The following AGBL2 variants were observed in gnomAD, a reference collection of about 807,000 sequenced individuals.
The protein encoded by AGBL2 is AGBL carboxypeptidase 2.
Under a neutral mutation model 103.0 loss-of-function variants are expected in AGBL2, and 87 were observed. That is an observed-to-expected ratio of 0.84 (90% confidence interval 0.71 to 1.01). AGBL2 has a LOEUF of 1.01. AGBL2 is among the 50% of genes least tolerant of loss of function. AGBL2 has a pLI of 0.00. For synonymous variants in AGBL2, 335 were observed against 356.7 expected (o/e 0.94, Z 0.69); for missense variants, 904 against 1,023.5 (o/e 0.88, Z 1.59).
Position 47,690,799 on chromosome 11 carries a change from T to C in AGBL2, c.908A>G (p.Gln303Arg), listed in dbSNP as rs2097442269. Residue 303 changes from glutamine to arginine, a missense_variant, in exon 10 of 19, where the codon CAG (glutamine) becomes CGG (arginine). Transcript: ENST00000525123. ...RTDLYTNKHTQWFYFRVQNTR... is the reference protein window; with the variant it reads ...RTDLYTNKHTRWFYFRVQNTR... ...GTTCTGAACACGAAAATAAAACCAC[T>C]GAGTGTGTTTGTTAGTGTAGAGGTC... The C allele has an allele frequency of 6.2e-7, 1 of 1,613,882 alleles. No homozygotes were observed. Among genetic ancestry groups the C allele is most frequent in the Non-Finnish European group, 8.5e-7 (1 of 1,179,990 alleles).
rs267602909 is a variant in AGBL2, at chr11:47,690,645, C to T, written c.1062G>A (p.Arg354=). Residue 354 remains arginine, a synonymous_variant, in exon 10 of 19, where the codon AGG becomes AGA. Transcript: ENST00000525123. ...LDANTRNIGW[R]REGNEIKYYK... ...AGTACTTGATTTCATTTCCTTCTCT[C>T]CTCCAGCCAATATTGCGGGTGTTGG... 1.9e-6 allele frequency: 3 copies of T among 1,614,160 alleles called. No individual in the cohort carries two copies. The highest frequency in any genetic ancestry group is 1.1e-5 in the South Asian group (1 of 91,080).
intron 13 of AGBL2, among the ~76,000 whole-genome samples, 156 bp from the exon 14 acceptor site, chr11:47,677,557 G>A (rs926525959): frequency 4.0e-5 from 6 of 151,692 alleles, no homozygotes; most frequent in South Asian, 2.1e-4. Flanking sequence ...GGGTTCAAGC[G>A]ATTCTCCTGC....
intron 13 of AGBL2, 87 bp downstream of exon 13, chr11:47,679,886 C>A: frequency 1.2e-6 from 1 of 815,770 alleles, no homozygotes; most frequent in Non-Finnish European, 2.0e-6. Flanking sequence ...AGGCAATCCA[C>A]CCACTTCAGC....
chr11:47,679,079 A>G (rs1449576611), intron 13 of AGBL2, among the ~76,000 whole-genome samples: 78 of 148,952 alleles, frequency 5.2e-4, no homozygotes, highest in Non-Finnish European at 9.5e-4. Context: ...AAAAAAAAAA[A>G]AAAAAAAAAA....
At position 47,705,505 on chromosome 11, in the gene AGBL2, GC is replaced by G. The variant is rs1205406457; in HGVS notation, c.400+15del. ...TACTAAAAACATAAAAATTAGCTGG[GC>G]GTGGTGGCACATGCCTGTAATCCCA... On this transcript the variant is annotated intron_variant, in intron 6 of 18. Coordinates refer to ENST00000525123, the MANE Select transcript of AGBL2 (RefSeq NM_024783.4). 1 of 319,682 alleles carries G rather than the reference GC, an allele frequency of 3.1e-6. No individual in the cohort carries two copies. The highest frequency in any genetic ancestry group is 2.2e-5 in the African/African-American group (1 of 45,890). The allele number at this position is 319,682 out of a possible 1,614,324, so 19.8% of individuals were successfully genotyped here.
In AGBL2 at chr11:47,686,018, A is replaced by G. The variant is rs780601222; in HGVS notation, c.1663T>C (p.Cys555Arg). The G allele has an allele frequency of 8.7e-6, 14 of 1,614,144 alleles. No homozygotes were observed. The South Asian group carries it at 1.5e-4, about 18-fold the overall frequency. Residue 555 changes from cysteine (C) to arginine (R), a missense_variant, in exon 11 of 19, where the codon TGT becomes CGT. Cys to Arg is a radical substitution (Grantham distance 180). Transcript: ENST00000525123. ...TTACGACTGTGGCCATGGAAATCAC[A>G]ATACAACAGAACCTCTCTTTCTTCA... ...LLEEREVLLY[C>R]DFHGHSRKNN...
At chr11:47,682,709 T>C (rs1044998168) in intron 11 of AGBL2, among the ~76,000 whole-genome samples, 1 of 152,190 alleles carries the variant, frequency 6.6e-6, no homozygotes, top group African/African-American at 2.4e-5. Flanking sequence ...AGCCCTTGTG[T>C]GTCACTTGGA....
intron 3 of AGBL2, among the ~76,000 whole-genome samples, chr11:47,711,379 A>C (rs1463189586): frequency 2.0e-5 from 3 of 152,182 alleles, no homozygotes; most frequent in Non-Finnish European, 2.9e-5. Flanking sequence ...TATTTGCATA[A>C]GACAACCTTT....
chr11:47,700,288 G>C (rs570611170), intron 7 of AGBL2, among the ~76,000 whole-genome samples: 1 of 152,028 alleles, frequency 6.6e-6, no homozygotes, highest in African/African-American at 2.4e-5. Context: ...AATTTAAAAA[G>C]ATTTCTTTGG....
chr11:47,660,240 G>C lies in AGBL2; in HGVS notation c.2642C>G (p.Pro881Arg), dbSNP rs753962466. 2.5e-6 allele frequency: 4 copies of C among 1,614,232 alleles called. 1 individual carries two copies. In the South Asian group the frequency reaches 3.3e-5, roughly 13 times the overall value. Residue 881 changes from proline (P) to arginine (R), a missense_variant, in exon 19 of 19, where the codon CCT (proline) becomes CGT (arginine). Pro to Arg is a moderately radical substitution (Grantham distance 103). Transcript: ENST00000525123. Reference sequence around the variant, plus strand: ...GGCAGCACAGCCTCTCTTTGTGGCAGGATATCTGCTCCTAGGCCAGTTTGG... The same window carrying C: ...GGCAGCACAGCCTCTCTTTGTGGCACGATATCTGCTCCTAGGCCAGTTTGG... ...MKPNWPRSRYPATKRGCAAMA... is the reference protein window; with the variant it reads ...MKPNWPRSRYRATKRGCAAMA...
At chr11:47,707,047 A>T (rs904995014) in intron 4 of AGBL2, among the ~76,000 whole-genome samples, 2 of 149,510 alleles carry the variant, frequency 1.3e-5, no homozygotes, top group African/African-American at 4.9e-5. Context: ...AAAAAAAAAA[A>T]ATTTAGCCAG....
Position 47,685,986 on chromosome 11 carries a change from A to G in AGBL2, c.1695T>C (p.Asn565=), listed in dbSNP as rs778820798. The G allele has an allele frequency of 6.2e-7, 1 of 1,614,050 alleles. No individual in the cohort carries two copies. The highest frequency in any genetic ancestry group is 8.5e-7 in the Non-Finnish European group (1 of 1,179,930). ...CDFHGHSRKN[N]IFLYGCNNNN... is the part of the protein sequence containing the mutation. ...TGTTATTACAGCCATACAGGAAGAT[A>G]TTATTCTTACGACTGTGGCCATGGA... Residue 565 remains asparagine, a synonymous_variant, in exon 11 of 19, where the codon AAT becomes AAC. Coordinates refer to ENST00000525123, the MANE Select transcript of AGBL2 (RefSeq NM_024783.4).
intron 3 of AGBL2, among the ~76,000 whole-genome samples, chr11:47,711,948 A>G (rs1376983563): frequency 6.6e-6 from 1 of 152,156 alleles, no homozygotes; most frequent in African/African-American, 2.4e-5. Context: ...GTGTGCTGGC[A>G]TGTGCTTGTG....
rs202173590 is a variant in AGBL2 at position 47,704,534 on chromosome 11, T to A, written c.586+9A>T. On this transcript the variant is annotated intron_variant, in intron 7 of 18. Coordinates refer to ENST00000525123, the MANE Select transcript of AGBL2 (RefSeq NM_024783.4). ...GAATAGCAAGACCACTGTGAGTAAG[T>A]CATATTACCAATATGATGGATGTTT... 5 of 1,599,380 alleles carry A rather than the reference T, an allele frequency of 3.1e-6. No individual in the cohort carries two copies. Among genetic ancestry groups the A allele is most frequent in the Non-Finnish European group, 2.6e-6 (3 of 1,171,692 alleles).
intron 12 of AGBL2, among the ~76,000 whole-genome samples, chr11:47,680,753 T>C (rs1243576439): frequency 6.6e-6 from 1 of 151,404 alleles, no homozygotes; most frequent in Non-Finnish European, 1.5e-5. Flanking sequence ...ATTGCGCCAC[T>C]GCACTCCAGC....
intron 17 of AGBL2, 182 bp downstream of exon 17, chr11:47,666,774 G>A: frequency 3.1e-6 from 2 of 646,212 alleles, no homozygotes; most frequent in Non-Finnish European, 5.5e-6. Context: ...CCAGACTTCA[G>A]TCATGTCTAA....
rs1196435610 is a variant in AGBL2, at chr11:47,678,338, A to ATTTTTTTTTTTTTTTTTTTTTTT, written c.2017-938_2017-937insAAAAAAAAAAAAAAAAAAAAAAA. Among the ~76,000 whole-genome samples, 63 of 95,290 alleles carry ATTTTTTTTTTTTTTTTTTTTTTT rather than the reference A, an allele frequency of 6.6e-4. 2 individuals are homozygous for ATTTTTTTTTTTTTTTTTTTTTTT. The highest frequency in any genetic ancestry group is 1.1e-3 in the South Asian group (3 of 2,616). 62.5% of individuals were successfully genotyped at this position (95,290 alleles called of 152,430 possible). On this transcript the variant is annotated intron_variant, in intron 13 of 18. Transcript: ENST00000525123. ...TTATTTTATTTTATTTTATTTTATTATTTTATTTTTTTTGAGACGGAGTCT... is the reference window on the plus strand; with the variant it reads ...TTATTTTATTTTATTTTATTTTATTATTTTTTTTTTTTTTTTTTTTTTTTTTTATTTTTTTTGAGACGGAGTCT...
chr11:47,662,470 G>A (rs925188383), intron 18 of AGBL2, among the ~76,000 whole-genome samples: 9 of 145,714 alleles, frequency 6.2e-5, no homozygotes, highest in African/African-American at 2.3e-4. Context: ...GTGAGCCACT[G>A]CACCTGACCA....
At position 47,667,626 on chromosome 11, in the gene AGBL2, T is replaced by A; in HGVS notation, c.2285A>T (p.Glu762Val). ...CATCAAATTTTTTTTCTGATACTGC[T>A]CATTTCGCTGTTTCCTAGTCTGAAG... ...KSLQTRKQRN[E>V]QYQKKNLMQK... The change falls in exon 16 of 19, where the codon GAG becomes GTG. Residue 762 changes from glutamate (E) to valine (V), a missense_variant. Glu to Val is a moderately radical substitution (Grantham distance 121). Transcript: ENST00000525123. The A allele has an allele frequency of 6.2e-7, 1 of 1,613,904 alleles. No homozygotes were observed. Among genetic ancestry groups the A allele is most frequent in the Non-Finnish European group, 8.5e-7 (1 of 1,179,848 alleles).
Sources: allele counts gnomAD v4.1 joint callset (sites outside exome capture counted in the v4.1 genomes callset), GRCh38; gene constraint gnomAD v4.1.1; transcripts MANE v1.5; gene names NCBI Gene and HGNC (gene_info 2026-07-23, HGNC 2026-07-21).